RPS6KA5: variants seen among roughly 807,000 people sequenced by gnomAD.
RPS6KA5 encodes the protein ribosomal protein S6 kinase alpha-5.
Under a neutral mutation model 85.5 loss-of-function variants are expected in RPS6KA5, and 27 were observed. The ratio of observed to expected loss-of-function variants is 0.32; its 90% CI spans 0.23 to 0.44. The LOEUF (loss-of-function observed/expected upper bound fraction) is 0.44. RPS6KA5 is among the 20% of genes least tolerant of loss of function. The pLI, the probability that RPS6KA5 is intolerant of heterozygous loss-of-function variation, is 1.00. For synonymous variants in RPS6KA5, 334 were observed against 348.2 expected, an observed-to-expected ratio of 0.96 and a Z score of 0.46; for missense variants, 811 against 980.9, an observed-to-expected ratio of 0.83 and a Z score of 2.31.
chr14:91,044,287 GAGAGAGAA>G (rs1566901467), intron 1 of RPS6KA5, among the ~76,000 whole-genome samples: 2 of 128,694 alleles, frequency 1.6e-5, no homozygotes, highest in African/African-American at 7.0e-5. Context: ...GAAAGAGAGA[GAGAGAGAA>G]AGAGAGAGAA....
chr14:90,998,664 G>A (rs2040638654), intron 2 of RPS6KA5, among the ~76,000 whole-genome samples: 1 of 152,056 alleles, frequency 6.6e-6, no homozygotes, highest in Non-Finnish European at 1.5e-5. Context: ...GGTAGAGCTT[G>A]GATTTTTAAA....
intron 2 of RPS6KA5, among the ~76,000 whole-genome samples, chr14:90,990,120 A>G (rs1361791313): frequency 6.6e-6 from 1 of 152,214 alleles, no homozygotes; most frequent in African/African-American, 2.4e-5. Flanking sequence ...AAAAGTACAC[A>G]TAATTGTAGG....
At chr14:90,924,123 A>G (rs1405967157) in intron 5 of RPS6KA5, among the ~76,000 whole-genome samples, 2 of 152,172 alleles carry the variant, frequency 1.3e-5, no homozygotes, top group African/African-American at 4.8e-5. Context: ...AGAATATAGA[A>G]AAACTAAAGC....
chr14:90,939,540 T>C (rs1170490372), intron 5 of RPS6KA5, among the ~76,000 whole-genome samples: 2 of 152,158 alleles, frequency 1.3e-5, no homozygotes, highest in Non-Finnish European at 2.9e-5. Flanking sequence ...GACTTACAGT[T>C]CCATGTGGAT....
intron 14 of RPS6KA5, among the ~76,000 whole-genome samples, chr14:90,877,405 A>G (rs1399736657): frequency 2.0e-5 from 3 of 152,224 alleles, no homozygotes; most frequent in Admixed American, 6.5e-5. Context: ...ACAGGCTGGC[A>G]GTAACTGTCC....
At chr14:90,956,965 T>G (rs1002307927) in intron 3 of RPS6KA5, among the ~76,000 whole-genome samples, 2 of 8,530 alleles carry the variant, frequency 2.3e-4, no homozygotes, top group South Asian at 7.4e-3. Context: ...TGTTTTTCTG[T>G]TTTTTTTTTT....
At position 90,961,277 on chromosome 14, in the gene RPS6KA5, A is replaced by C. The variant is rs2038781443; in HGVS notation, c.395-13727T>G. ...GAGAAAATAGGAATCTCCAGAGAAA[A>C]GTAAAACTGAGAGTGGTTAAGTCAA... On this transcript the variant is annotated intron_variant, in intron 3 of 16. Coordinates refer to ENST00000614987, the MANE Select transcript of RPS6KA5 (RefSeq NM_004755.4). Among the ~76,000 whole-genome samples, 5 of 152,362 alleles carry C rather than the reference A, an allele frequency of 3.3e-5. No homozygotes were observed. In the South Asian group the frequency reaches 1.0e-3, roughly 32 times the overall value.
intron 7 of RPS6KA5, among the ~76,000 whole-genome samples, chr14:90,914,308 G>GGTT (rs2035989692): frequency 1.8e-5 from 1 of 56,660 alleles, no homozygotes; most frequent in African/African-American, 5.9e-5. Flanking sequence ...TGATCCCTAG[G>GGTT]GTTTTTTTTT....
In RPS6KA5 at chr14:90,850,463, C is replaced by CAAAAAAAA. The variant is rs5810522; in HGVS notation, c.*21603_*21610dup. ...AACCTAATCAATGTGGGAAACCATACAAAAAAAAAAAAAAAAAACAGAAAA... is the reference window on the plus strand; with the variant it reads ...AACCTAATCAATGTGGGAAACCATACAAAAAAAAAAAAAAAAAAAAAAAAAACAGAAAA... On this transcript the variant is annotated 3_prime_UTR_variant, in exon 17 of 17. Transcript: ENST00000614987. The CAAAAAAAA allele has an allele frequency of 2.0e-4, 26 of 129,014 alleles. No homozygotes were observed. Among genetic ancestry groups the CAAAAAAAA allele is most frequent in the African/African-American group, 7.1e-4 (25 of 35,310 alleles). 8.0% of individuals were successfully genotyped at this position (129,014 alleles called of 1,614,324 possible).
chr14:91,044,419 AAGAAAGAAAGAAAGAAAGAAAG>A (rs1406013472), intron 1 of RPS6KA5, among the ~76,000 whole-genome samples: 1 of 119,242 alleles, frequency 8.4e-6, no homozygotes, highest in Non-Finnish European at 1.8e-5. Context: ...GAAAGAAAGA[AAGAAAGAAAGAAAGAAAGAAAG>A]AAAGAAAATT....
At chr14:91,001,283 A>T (rs2040783290) in intron 1 of RPS6KA5, 124 bp from the exon 2 acceptor site, 3 of 622,752 alleles carry the variant, frequency 4.8e-6, no homozygotes, top group Admixed American at 3.1e-5. Context: ...GGTTTGCTTT[A>T]TAATTATTTG....
rs2034385028 is a variant in RPS6KA5, at chr14:90,888,792, C to T, written c.1836+1695G>A. The stretch of plus-strand genomic sequence containing the variant: ...AGAAAAAGACTGACATATCTTACTA[C>T]ATAGACATTTAAGAATCTTCTCTGT... On this transcript the variant is annotated intron_variant, in intron 14 of 16. Coordinates refer to ENST00000614987, the MANE Select transcript of RPS6KA5 (RefSeq NM_004755.4). Among the ~76,000 whole-genome samples the T allele has an allele frequency of 2.0e-5, 3 of 152,186 alleles. No individual in the cohort carries two copies. In the South Asian group the frequency reaches 6.2e-4, roughly 31 times the overall value.
Position 90,869,388 on chromosome 14 carries a change from G to A in RPS6KA5, c.*2686C>T, listed in dbSNP as rs560567603. 1.3e-5 allele frequency: 2 copies of A among 152,138 alleles called. No individual in the cohort carries two copies. Among genetic ancestry groups the A allele is most frequent in the Non-Finnish European group, 2.9e-5 (2 of 68,038 alleles). The allele number at this position is 152,138 out of a possible 1,614,324, so 9.4% of individuals were successfully genotyped here. A position where few individuals can be genotyped will look rare whatever the true frequency, so the allele number is the denominator to read the frequency against. ...ACACGATCTGGCAGAGTAATTAGAA[G>A]AAACTGGTCTTTCTTAACATCTTTC... On this transcript the variant is annotated 3_prime_UTR_variant, in exon 17 of 17. Coordinates refer to ENST00000614987, the MANE Select transcript of RPS6KA5 (RefSeq NM_004755.4).
intron 2 of RPS6KA5, 27 bp from the exon 3 acceptor site, chr14:90,978,551 G>T: frequency 6.6e-7 from 1 of 1,506,984 alleles, no homozygotes; most frequent in Non-Finnish European, 9.0e-7. Flanking sequence ...AAAATAAAAA[G>T]AATTAAAATG....
chr14:90,959,828 G>A (rs1346111463), intron 3 of RPS6KA5, among the ~76,000 whole-genome samples: 4 of 152,186 alleles, frequency 2.6e-5, no homozygotes, highest in African/African-American at 9.7e-5. Flanking sequence ...GATTTGCCAA[G>A]GAGTTGTTAG....
At chr14:90,937,197 T>G (rs1009192009) in intron 5 of RPS6KA5, among the ~76,000 whole-genome samples, 1 of 151,906 alleles carries the variant, frequency 6.6e-6, no homozygotes, top group Non-Finnish European at 1.5e-5. Flanking sequence ...TACCAGGCAG[T>G]CAAATAAAGT....
At chr14:91,025,481 C>T (rs936603496) in intron 1 of RPS6KA5, among the ~76,000 whole-genome samples, 1 of 152,188 alleles carries the variant, frequency 6.6e-6, no homozygotes, top group Admixed American at 6.5e-5. Flanking sequence ...TTATCATACT[C>T]CCTATCTCTG....
chr14:91,018,967 G>A (rs2041620818), intron 1 of RPS6KA5, among the ~76,000 whole-genome samples: 1 of 151,740 alleles, frequency 6.6e-6, no homozygotes, highest in Non-Finnish European at 1.5e-5. Flanking sequence ...AGATATCATA[G>A]CATATAAATT....
chr14:90,971,766 G>C (rs1011381552), intron 3 of RPS6KA5, among the ~76,000 whole-genome samples: 1 of 152,144 alleles, frequency 6.6e-6, no homozygotes, highest in Non-Finnish European at 1.5e-5. Context: ...CTCCACATCT[G>C]CTCCTAAAAC....
Sources: allele counts gnomAD v4.1 joint callset (sites outside exome capture counted in the v4.1 genomes callset), GRCh38; gene constraint gnomAD v4.1.1; transcripts MANE v1.5; gene names NCBI Gene and HGNC (gene_info 2026-07-23, HGNC 2026-07-21).